RBPMS: variants seen among roughly 807,000 people sequenced by gnomAD.
RBPMS encodes the protein RNA-binding protein with multiple splicing.
Under a neutral mutation model 26.8 loss-of-function variants are expected in RBPMS, and 7 were observed. That is an observed-to-expected ratio of 0.26 (90% CI 0.15 to 0.49). The LOEUF is 0.49. RBPMS is among the 20% of genes least tolerant of loss of function. The pLI is 0.98. For synonymous variants in RBPMS, 96 were observed against 93.3 expected, an observed-to-expected ratio of 1.03 and a Z score of -0.17; for missense variants, 186 against 250.0, an observed-to-expected ratio of 0.74 and a Z score of 1.73.
At chr8:30,430,696 T>TA in intron 1 of RBPMS, among the ~76,000 whole-genome samples, 1 of 152,356 alleles carries the variant, frequency 6.6e-6, no homozygotes, top group Non-Finnish European at 1.5e-5. Context: ...ATGTTTGAGT[T>TA]ACACATATAG....
chr8:30,505,371 C>T (rs1328684867), intron 5 of RBPMS, among the ~76,000 whole-genome samples: 1 of 152,162 alleles, frequency 6.6e-6, no homozygotes, highest in Non-Finnish European at 1.5e-5. Context: ...AATTGAAGGA[C>T]ACATGGATTC....
chr8:30,463,024 C>G (rs1425300095), intron 1 of RBPMS, among the ~76,000 whole-genome samples: 2 of 152,182 alleles, frequency 1.3e-5, no homozygotes, highest in Non-Finnish European at 2.9e-5. Context: ...CTTACTTTCT[C>G]TCTTGCCCAC....
At chr8:30,460,979 G>A (rs995238786) in intron 1 of RBPMS, among the ~76,000 whole-genome samples, 26 of 149,684 alleles carry the variant, frequency 1.7e-4, no homozygotes, top group Non-Finnish European at 4.5e-5. Flanking sequence ...CTTGAGTCTG[G>A]TAGGTGGAGT....
intron 1 of RBPMS, among the ~76,000 whole-genome samples, chr8:30,469,404 C>T (rs1194244480): frequency 1.3e-5 from 2 of 152,250 alleles, no homozygotes; most frequent in Admixed American, 6.5e-5. Flanking sequence ...CAAAATCTAA[C>T]TGTAGCCTCT....
At chr8:30,463,716 C>T (rs1255263913) in intron 1 of RBPMS, among the ~76,000 whole-genome samples, 1 of 152,182 alleles carries the variant, frequency 6.6e-6, no homozygotes, top group African/African-American at 2.4e-5. Context: ...TATGAGGAAA[C>T]TTAGGAAGGG....
intron 6 of RBPMS, among the ~76,000 whole-genome samples, chr8:30,550,362 A>G (rs968821879): frequency 1.3e-5 from 2 of 152,208 alleles, no homozygotes; most frequent in Non-Finnish European, 2.9e-5. Context: ...GAAAAGGGCC[A>G]ATAATCCTTC....
intron 8 of RBPMS, among the ~76,000 whole-genome samples, chr8:30,567,362 C>A (rs1465290995): frequency 6.6e-6 from 1 of 152,344 alleles, no homozygotes; most frequent in East Asian, 1.9e-4. Flanking sequence ...AGCTTTCCCA[C>A]AGGAAGCCGG....
At chr8:30,561,153 G>C (rs951303954) in intron 7 of RBPMS, among the ~76,000 whole-genome samples, 1 of 152,062 alleles carries the variant, frequency 6.6e-6, no homozygotes, top group Non-Finnish European at 1.5e-5. Context: ...CTAAAAGTTT[G>C]CTTTTTAGGA....
intron 8 of RBPMS, among the ~76,000 whole-genome samples, chr8:30,568,926 G>T (rs972760116): frequency 1.3e-5 from 2 of 151,926 alleles, no homozygotes; most frequent in Non-Finnish European, 2.9e-5. Context: ...AGTTATGGAA[G>T]GCCCAGAAAA....
chr8:30,525,192 TC>T (rs1250177381), intron 5 of RBPMS, among the ~76,000 whole-genome samples: 3 of 152,218 alleles, frequency 2.0e-5, no homozygotes, highest in Non-Finnish European at 4.4e-5. Context: ...GTCTCCTACT[TC>T]CTAGTTCAAA....
intron 7 of RBPMS, among the ~76,000 whole-genome samples, chr8:30,559,383 C>A (rs1827257476): frequency 6.6e-6 from 1 of 152,222 alleles, no homozygotes; most frequent in Non-Finnish European, 1.5e-5. Context: ...CTGCATACAT[C>A]ATATCCAAAG....
At chr8:30,414,642 C>T (rs1809848227) in intron 1 of RBPMS, among the ~76,000 whole-genome samples, 1 of 152,152 alleles carries the variant, frequency 6.6e-6, no homozygotes, top group South Asian at 2.1e-4. Context: ...AGTACACTAT[C>T]TGTGGCTCTT....
At chr8:30,389,452 A>G (rs1451222636) in intron 1 of RBPMS, among the ~76,000 whole-genome samples, 2 of 152,176 alleles carry the variant, frequency 1.3e-5, no homozygotes, top group Non-Finnish European at 2.9e-5. Flanking sequence ...TTAAGGATAA[A>G]AGTGTTCAGT....
rs570439098 is a variant in RBPMS, at chr8:30,453,175, G to A, written c.67-21604G>A. Among the ~76,000 whole-genome samples the A allele has an allele frequency of 8.5e-5, 13 of 152,220 alleles. 2 individuals are homozygous for A. Among genetic ancestry groups the A allele is most frequent in the African/African-American group, 3.1e-4 (13 of 41,540 alleles). ...TATCCAGGATTCTTCACTTTAAATAGCCATCATACTCTCCCTGTGGTCCTT... is the reference window on the plus strand; with the variant it reads ...TATCCAGGATTCTTCACTTTAAATAACCATCATACTCTCCCTGTGGTCCTT... On this transcript the variant is annotated intron_variant, in intron 1 of 8. Transcript: ENST00000397323.
At chr8:30,393,236 A>G (rs1004103331) in intron 1 of RBPMS, among the ~76,000 whole-genome samples, 3 of 151,962 alleles carry the variant, frequency 2.0e-5, no homozygotes, top group Non-Finnish European at 4.4e-5. Context: ...GGTCTTTCTC[A>G]TATGCTTTTT....
At chr8:30,446,039 GA>G (rs1813725779) in intron 1 of RBPMS, among the ~76,000 whole-genome samples, 1 of 152,282 alleles carries the variant, frequency 6.6e-6, no homozygotes, top group Admixed American at 6.5e-5. Flanking sequence ...TATGGTACAT[GA>G]AAAACAACTT....
At chr8:30,544,945 T>G in intron 6 of RBPMS, 6 of 1,464,922 alleles carry the variant, frequency 4.1e-6, no homozygotes, top group Middle Eastern at 3.6e-4. Flanking sequence ...ATCACCAGAG[T>G]GTATACGTGT....
intron 5 of RBPMS, among the ~76,000 whole-genome samples, chr8:30,523,529 G>T (rs542606884): frequency 6.6e-6 from 1 of 151,160 alleles, no homozygotes; most frequent in East Asian, 1.9e-4. Context: ...GGCTTAAGCA[G>T]CTTCATTTGG....
chr8:30,518,905 GT>G (rs1822683699), intron 5 of RBPMS, among the ~76,000 whole-genome samples: 1 of 151,582 alleles, frequency 6.6e-6, no homozygotes, highest in African/African-American at 2.4e-5. Flanking sequence ...GGAAAATGAT[GT>G]TTTTCAGGTG....
Sources: gnomAD v4.1 joint callset for allele counts (sites outside exome capture counted in the v4.1 genomes callset) on GRCh38, gnomAD v4.1.1 for gene constraint, MANE v1.5 for transcripts, NCBI Gene and HGNC (gene_info 2026-07-23, HGNC 2026-07-21) for gene names.